Variants in RPS6KC1 observed in about 807,000 individuals in gnomAD.
The protein encoded by RPS6KC1 is ribosomal protein S6 kinase C1, also known as inactive ribosomal protein S6 kinase delta-1.
In RPS6KC1, 54 loss-of-function variants were observed where a neutral mutation model predicts 103.8. The observed-to-expected ratio is 0.52, with a 90% confidence interval of 0.42 to 0.65. The LOEUF is 0.65. Ranked by LOEUF, RPS6KC1 falls within the 30% of genes least tolerant of loss-of-function variation. RPS6KC1 has a pLI of 0.00. For missense variants in RPS6KC1, 1,151 were observed against 1,253.8 expected (o/e 0.92, Z 1.24); for synonymous variants, 439 against 438.7 (o/e 1.00, Z -0.01).
the RPS6KC1 span, among the ~76,000 whole-genome samples, chr1:213,662,614 G>T: frequency 6.6e-6 from 1 of 152,086 alleles, no homozygotes; most frequent in African/African-American, 2.4e-5. Context: ...TTTAATCATA[G>T]CTCCCCTGCG....
At chr1:213,568,238 T>A in the RPS6KC1 span, among the ~76,000 whole-genome samples, 2 of 152,164 alleles carry the variant, frequency 1.3e-5, no homozygotes, top group Non-Finnish European at 2.9e-5. Flanking sequence ...TCCTGGGACA[T>A]GGGACTTTCA....
chr1:213,328,516 A>ATATATATC, the RPS6KC1 span, among the ~76,000 whole-genome samples: 1 of 49,064 alleles, frequency 2.0e-5, no homozygotes, highest in Non-Finnish European at 4.1e-5. Context: ...ATATATATAT[A>ATATATATC]TATATATATA....
chr1:213,138,883 T>C (rs1053016022), intron 6 of RPS6KC1, among the ~76,000 whole-genome samples: 1 of 152,204 alleles, frequency 6.6e-6, no homozygotes, highest in African/African-American at 2.4e-5. Context: ...AATGGAGTTG[T>C]TGGATTGAAT....
At chr1:213,347,950 A>G in the RPS6KC1 span, among the ~76,000 whole-genome samples, 2 of 152,132 alleles carry the variant, frequency 1.3e-5, no homozygotes, top group Non-Finnish European at 2.9e-5. Context: ...AGGAACATCA[A>G]TGCAGAGACC....
the RPS6KC1 span, among the ~76,000 whole-genome samples, chr1:213,846,395 C>T: frequency 7.2e-5 from 11 of 152,116 alleles, no homozygotes; most frequent in Admixed American, 3.9e-4. Context: ...CCACTAACAG[C>T]GCCTCCACTT....
At chr1:213,579,413 A>T in the RPS6KC1 span, among the ~76,000 whole-genome samples, 1 of 152,134 alleles carries the variant, frequency 6.6e-6, no homozygotes, top group Non-Finnish European at 1.5e-5. Context: ...AGGTTTAAGG[A>T]AAGAAGCCAC....
the RPS6KC1 span, among the ~76,000 whole-genome samples, chr1:213,838,195 G>T: frequency 6.6e-6 from 1 of 152,154 alleles, no homozygotes; most frequent in South Asian, 2.1e-4. Flanking sequence ...CACAGTTAGT[G>T]ACCTATTCAA....
At chr1:213,814,484 C>G in the RPS6KC1 span, among the ~76,000 whole-genome samples, 1 of 152,274 alleles carries the variant, frequency 6.6e-6, no homozygotes, top group African/African-American at 2.4e-5. Flanking sequence ...GATATGCTTT[C>G]TTGGATCCAT....
chr1:213,248,768 A>C (rs1057341052), intron 12 of RPS6KC1, among the ~76,000 whole-genome samples: 5 of 152,200 alleles, frequency 3.3e-5, no homozygotes, highest in African/African-American at 4.8e-5. Flanking sequence ...TGATTCTCCT[A>C]TCAAGCCAGA....
intron 6 of RPS6KC1, among the ~76,000 whole-genome samples, chr1:213,161,007 A>G (rs1015930675): frequency 6.6e-6 from 1 of 152,208 alleles, no homozygotes; most frequent in Admixed American, 6.5e-5. Context: ...TAAAAAAAAT[A>G]GTGGTGGCAA....
the RPS6KC1 span, among the ~76,000 whole-genome samples, chr1:213,823,422 A>T: frequency 6.6e-6 from 1 of 152,286 alleles, no homozygotes; most frequent in South Asian, 2.1e-4. Context: ...TTGATGAATG[A>T]GTGTGCCAGG....
Position 213,242,150 on chromosome 1 carries a change from A to G in RPS6KC1, c.2674A>G (p.Lys892Glu), listed in dbSNP as rs939322979. 1.2e-6 allele frequency: 2 copies of G among 1,613,864 alleles called. No homozygotes were observed. Among genetic ancestry groups the G allele is most frequent in the Admixed American group, 1.7e-5 (1 of 59,960 alleles). ...TCAGATTTTTGAGGACCTTGATAAA[A>G]AATTAGCACTAGCCTCCAGGTTTTA... Reference protein sequence around the residue: ...IHQIFEDLDKKLALASRFYIP... With the variant: ...IHQIFEDLDKELALASRFYIP... The change falls in exon 11 of 15, where the codon AAA becomes GAA. Residue 892 changes from lysine (K) to glutamate (E), a missense_variant. This residue lies in a region of RPS6KC1 where 189 missense variants were observed against 228.8 expected (regional missense o/e 0.83). Transcript: ENST00000366960.
the RPS6KC1 span, among the ~76,000 whole-genome samples, chr1:213,411,026 T>C: frequency 6.6e-6 from 1 of 151,958 alleles, no homozygotes; most frequent in African/African-American, 2.4e-5. Context: ...CCCAGGATGA[T>C]GGCAGGACCA....
At chr1:213,199,492 T>C (rs1046014738) in intron 8 of RPS6KC1, among the ~76,000 whole-genome samples, 21 of 152,148 alleles carry the variant, frequency 1.4e-4, no homozygotes, top group African/African-American at 5.1e-4. Context: ...TTGAAGGAAA[T>C]ACCTCAAAAT....
At chr1:213,277,819 G>A (rs2095115075), downstream of RPS6KC1, among the ~76,000 whole-genome samples, 1 of 152,236 alleles carries the variant, frequency 6.6e-6, no homozygotes, top group East Asian at 1.9e-4. Flanking sequence ...AAATGAGCCA[G>A]CTTTGGGGTA....
In RPS6KC1 at chr1:213,177,286, G is replaced by A. The variant is rs557976929; in HGVS notation, c.1044+794G>A. Among the ~76,000 whole-genome samples the A allele has an allele frequency of 1.3e-4, 20 of 152,138 alleles. No individual in the cohort carries two copies. In the South Asian group the frequency reaches 2.7e-3, roughly 21 times the overall value. On this transcript the variant is annotated intron_variant, in intron 8 of 14. Coordinates refer to ENST00000366960, the MANE Select transcript of RPS6KC1 (RefSeq NM_012424.6). ...TTTTAAGTATATTTGCTCAACCACC[G>A]CTTTACCATTCAAAGTAAATAAAAT...
At chr1:213,598,773 C>G in the RPS6KC1 span, among the ~76,000 whole-genome samples, 2 of 151,992 alleles carry the variant, frequency 1.3e-5, no homozygotes, top group African/African-American at 4.8e-5. Context: ...CAAAAATTAG[C>G]CAGGCATGAT....
chr1:213,618,647 T>A, the RPS6KC1 span, among the ~76,000 whole-genome samples: 1 of 152,200 alleles, frequency 6.6e-6, no homozygotes, highest in South Asian at 2.1e-4. Context: ...CTGAATGATA[T>A]TTCATTTGGG....
In RPS6KC1 at chr1:213,240,754, A is replaced by G. The variant is rs2094331443; in HGVS notation, c.1278A>G (p.Glu426=). The G allele has an allele frequency of 6.2e-7, 1 of 1,613,708 alleles. No homozygotes were observed. ...AATTTCTAAACAGAAGTCCTGAAGA[A>G]AGCTTTGACATCAAGGAAGTGAAAA... ...ISKFLNRSPE[E]SFDIKEVKKP... is the part of the protein sequence containing the mutation. Residue 426 remains glutamate, a synonymous_variant, in exon 11 of 15, where the codon GAA becomes GAG. Coordinates refer to ENST00000366960, the MANE Select transcript of RPS6KC1 (RefSeq NM_012424.6).
Sources: gnomAD v4.1 joint callset for allele counts (sites outside exome capture counted in the v4.1 genomes callset) on GRCh38, gnomAD v4.1.1 for gene constraint, gnomAD v4.1.1 regional missense constraint, MANE v1.5 for transcripts, NCBI Gene and HGNC (gene_info 2026-07-23, HGNC 2026-07-21) for gene names.